The following MND1 variants were observed in gnomAD, a reference collection of about 807,000 sequenced individuals.
MND1 encodes the protein meiotic nuclear divisions 1, also known as meiotic nuclear division protein 1 homolog.
In MND1, 28 loss-of-function variants were observed where a neutral mutation model predicts 35.1. The ratio of observed to expected loss-of-function variants is 0.80; its 90% CI spans 0.59 to 1.09. MND1 has a LOEUF of 1.09. Among genes scored for constraint, MND1 ranks in the 50% least tolerant of loss-of-function variants. The pLI, the probability that MND1 is intolerant of heterozygous loss-of-function variation, is 0.00. For missense variants in MND1, 213 were observed against 239.6 expected, an observed-to-expected ratio of 0.89 and a Z score of 0.73; for synonymous variants, 69 against 70.5, an observed-to-expected ratio of 0.98 and a Z score of 0.11.
At chr4:153,371,339 G>A (rs1773785247) in intron 4 of MND1, among the ~76,000 whole-genome samples, 2 of 152,078 alleles carry the variant, frequency 1.3e-5, no homozygotes, top group African/African-American at 4.8e-5. Context: ...AAACTTTAAA[G>A]TCAGGCATGG....
chr4:153,349,724 G>A (rs1331218004), intron 1 of MND1, among the ~76,000 whole-genome samples: 1 of 152,208 alleles, frequency 6.6e-6, no homozygotes, highest in African/African-American at 2.4e-5. Flanking sequence ...ATTGGTGCAT[G>A]TAGCTGTTCA....
intron 7 of MND1, among the ~76,000 whole-genome samples, chr4:153,412,009 T>C (rs1729697422): frequency 1.3e-5 from 2 of 152,224 alleles, no homozygotes; most frequent in Non-Finnish European, 2.9e-5. Context: ...CAGAGACTGG[T>C]AAAAATTATC....
At chr4:153,363,114 T>C (rs1295365642) in intron 4 of MND1, 23 of 567,120 alleles carry the variant, frequency 4.1e-5, no homozygotes, top group Non-Finnish European at 5.1e-5. Context: ...CTCATGACCC[T>C]TCACACCTGT....
At chr4:153,400,983 A>G (rs576946600) in intron 6 of MND1, among the ~76,000 whole-genome samples, 1 of 152,396 alleles carries the variant, frequency 6.6e-6, no homozygotes, top group African/African-American at 2.4e-5. Context: ...ACAATGTCTG[A>G]CATGAAAAAT....
chr4:153,347,530 G>A (rs186579185), intron 1 of MND1, among the ~76,000 whole-genome samples: 71 of 152,264 alleles, frequency 4.7e-4, no homozygotes, highest in African/African-American at 1.6e-3. Flanking sequence ...GTCTAACTTG[G>A]CACTAAGCCC....
intron 4 of MND1, among the ~76,000 whole-genome samples, chr4:153,391,177 A>G (rs975294765): frequency 6.6e-6 from 1 of 151,546 alleles, no homozygotes; most frequent in African/African-American, 2.4e-5. Context: ...AATTTTTTTT[A>G]TTTTGAGATA....
At position 153,397,207 on chromosome 4, in the gene MND1, T is replaced by C; in HGVS notation, c.352-12T>C. On this transcript the variant is annotated splice_polypyrimidine_tract_variant and intron_variant, in intron 5 of 7. Coordinates refer to ENST00000240488, the MANE Select transcript of MND1 (RefSeq NM_032117.4). ...TTTGTCTTAATTGAACATAAAACTA[T>C]CTGGAATGCAGGAAGAGCGAACCAG... 1.3e-6 allele frequency: 2 copies of C among 1,596,538 alleles called. No individual in the cohort carries two copies. Among genetic ancestry groups the C allele is most frequent in the Non-Finnish European group, 1.7e-6 (2 of 1,169,084 alleles).
chr4:153,350,798 G>A (rs931940846), intron 2 of MND1, among the ~76,000 whole-genome samples: 6 of 152,150 alleles, frequency 3.9e-5, no homozygotes, highest in South Asian at 2.1e-4. Context: ...AAAGAACACC[G>A]ACTTCATATG....
At chr4:153,351,807 A>C (rs1389590188) in intron 2 of MND1, among the ~76,000 whole-genome samples, 3 of 152,232 alleles carry the variant, frequency 2.0e-5, no homozygotes, top group Non-Finnish European at 4.4e-5. Flanking sequence ...GACAAATGTC[A>C]TGGGAAAATG....
intron 6 of MND1, among the ~76,000 whole-genome samples, chr4:153,402,371 G>T (rs1248202897): frequency 6.6e-6 from 1 of 152,132 alleles, no homozygotes; most frequent in Middle Eastern, 3.2e-3. Context: ...ACAGTAAAAA[G>T]GTGGAGTAAG....
chr4:153,384,258 CTTTTTTTTTTTTT>C (rs35214226), intron 4 of MND1, among the ~76,000 whole-genome samples: 2 of 55,358 alleles, frequency 3.6e-5, no homozygotes, highest in Non-Finnish European at 6.7e-5. Context: ...CTACTTTCTG[CTTTTTTTTTTTTT>C]TTTTTTTTTT....
rs374284269 is a variant in MND1 at position 153,349,520 on chromosome 4, C to A, written c.4-544C>A. Among the ~76,000 whole-genome samples, 17 of 152,292 alleles carry A rather than the reference C, an allele frequency of 1.1e-4. No homozygotes were observed. The South Asian group carries it at 3.3e-3, about 30-fold the overall frequency. ...TGCCAATCCCCCTACATACTTCATA[C>A]AATAACTGTCCCCCACTGCTTATCC... On this transcript the variant is annotated intron_variant, in intron 1 of 7. Coordinates refer to ENST00000240488, the MANE Select transcript of MND1 (RefSeq NM_032117.4).
intron 4 of MND1, among the ~76,000 whole-genome samples, chr4:153,373,354 G>T (rs1364595052): frequency 6.6e-6 from 1 of 152,104 alleles, no homozygotes; most frequent in Non-Finnish European, 1.5e-5. Context: ...CATAATGGGG[G>T]CTGATTCAGC....
At chr4:153,346,045 A>T (rs1474764372) in intron 1 of MND1, among the ~76,000 whole-genome samples, 1 of 152,246 alleles carries the variant, frequency 6.6e-6, no homozygotes, top group Non-Finnish European at 1.5e-5. Flanking sequence ...GAATCCTTTT[A>T]AAAAATTAAA....
chr4:153,353,102 G>A lies in MND1; in HGVS notation c.70-2552G>A, dbSNP rs576453421. On this transcript the variant is annotated intron_variant, in intron 2 of 7. Coordinates refer to ENST00000240488, the MANE Select transcript of MND1 (RefSeq NM_032117.4). ...TATTTGCAAAGAGGTTTGATTAACT[G>A]TTTTTTCTAATGCATTAAAGACTTA... is the stretch of plus-strand genomic sequence containing the variant. Among the ~76,000 whole-genome samples, 239 of 152,010 alleles carry A rather than the reference G, an allele frequency of 1.6e-3. 1 individual carries two copies. The highest frequency in any genetic ancestry group is 2.7e-3 in the Non-Finnish European group (186 of 67,956).
intron 6 of MND1, among the ~76,000 whole-genome samples, chr4:153,403,313 G>A (rs1729393971): frequency 6.6e-6 from 1 of 152,180 alleles, no homozygotes; most frequent in South Asian, 2.1e-4. Flanking sequence ...CAAAGACTAA[G>A]TCAGAGTTAT....
rs557971959 is a variant in MND1, at chr4:153,393,428, T to G, written c.277-834T>G. ...CTCTGTCACCCAGGCTGGAGTGCAA[T>G]GGGGTTATCACAGTTCACTGCAGCC... On this transcript the variant is annotated intron_variant, in intron 4 of 7. Coordinates refer to ENST00000240488, the MANE Select transcript of MND1 (RefSeq NM_032117.4). Among the ~76,000 whole-genome samples, 4 of 148,580 alleles carry G rather than the reference T, an allele frequency of 2.7e-5. No individual in the cohort carries two copies. The South Asian group carries it at 6.5e-4, about 24-fold the overall frequency.
chr4:153,407,251 G>T (rs908203472), intron 6 of MND1, among the ~76,000 whole-genome samples: 1 of 152,188 alleles, frequency 6.6e-6, no homozygotes, highest in Non-Finnish European at 1.5e-5. Context: ...ATCACCTGAG[G>T]TTGGGACTTG....
At chr4:153,367,686 T>C (rs2149638676) in intron 4 of MND1, among the ~76,000 whole-genome samples, 1 of 152,292 alleles carries the variant, frequency 6.6e-6, no homozygotes, top group East Asian at 1.9e-4. Context: ...TGTTTTCATT[T>C]CTCTTGGGTG....
Sources: allele counts gnomAD v4.1 joint callset (sites outside exome capture counted in the v4.1 genomes callset), GRCh38; gene constraint gnomAD v4.1.1; transcripts MANE v1.5; gene names NCBI Gene and HGNC (gene_info 2026-07-23, HGNC 2026-07-21).